The following MYO3B variants were observed in gnomAD, a reference collection of about 807,000 sequenced individuals.
MYO3B encodes myosin-IIIb.
In MYO3B, 156 loss-of-function variants were observed where a neutral mutation model predicts 174.6. The observed-to-expected ratio is 0.89, with a 90% CI of 0.78 to 1.02. The LOEUF (loss-of-function observed/expected upper bound fraction) is 1.02. MYO3B is among the 50% of genes least tolerant of loss of function. The pLI, the probability that MYO3B is intolerant of heterozygous loss-of-function variation, is 0.00. For missense variants in MYO3B, 1,632 were observed against 1,639.4 expected (o/e 1.00, Z 0.08); for synonymous variants, 563 against 569.1 (o/e 0.99, Z 0.15).
At chr2:170,460,264 C>T (rs535949342) in intron 23 of MYO3B, among the ~76,000 whole-genome samples, 9 of 151,884 alleles carry the variant, frequency 5.9e-5, no homozygotes, top group Non-Finnish European at 8.8e-5. Context: ...CCGAGGCGGG[C>T]GGATCTCAAG....
intron 22 of MYO3B, among the ~76,000 whole-genome samples, chr2:170,429,953 G>A (rs1321641272): frequency 6.7e-6 from 1 of 150,240 alleles, no homozygotes; most frequent in Non-Finnish European, 1.5e-5. Context: ...ACAAAGAACT[G>A]TATAGTTGGC....
intron 16 of MYO3B, 67 bp from the exon 17 acceptor site, chr2:170,400,121 C>G (rs1402714593): frequency 2.0e-5 from 32 of 1,595,062 alleles, no homozygotes; most frequent in Non-Finnish European, 2.2e-5. Context: ...GTTTCCACTA[C>G]AGGTCTAATG....
chr2:170,578,821 C>T (rs1228146993), intron 32 of MYO3B, among the ~76,000 whole-genome samples: 2 of 152,348 alleles, frequency 1.3e-5, no homozygotes, highest in South Asian at 2.1e-4. Flanking sequence ...TGTGGCATTA[C>T]GCAGAGGGCC....
In MYO3B at chr2:170,552,805, G is replaced by A. The variant is rs1691009966; in HGVS notation, c.3733+8817G>A. Among the ~76,000 whole-genome samples the A allele has an allele frequency of 2.0e-5, 3 of 152,164 alleles. No individual in the cohort carries two copies. In the South Asian group the frequency reaches 6.2e-4, roughly 31 times the overall value. ...TGGCAGCCCCTCCCATCAAAGGCCT[G>A]CAGGCTTAGAGGGAAAAATGGTTTC... On this transcript the variant is annotated intron_variant, in intron 32 of 34. Transcript: ENST00000408978.
intron 22 of MYO3B, among the ~76,000 whole-genome samples, chr2:170,428,507 A>G (rs2105877516): frequency 6.6e-6 from 1 of 152,320 alleles, no homozygotes; most frequent in South Asian, 2.1e-4. Context: ...TAGTTATTGC[A>G]CTTACGTGTT....
At chr2:170,483,988 A>G (rs1304672382) in intron 25 of MYO3B, among the ~76,000 whole-genome samples, 1 of 152,202 alleles carries the variant, frequency 6.6e-6, no homozygotes, top group Non-Finnish European at 1.5e-5. Flanking sequence ...TGCTCTAGTT[A>G]CTTACAGTAA....
At chr2:170,421,496 G>A (rs2094614554) in intron 22 of MYO3B, among the ~76,000 whole-genome samples, 1 of 152,180 alleles carries the variant, frequency 6.6e-6, no homozygotes, top group Admixed American at 6.5e-5. Context: ...CTTCCCTCTT[G>A]GAACGTGGCT....
Position 170,400,180 on chromosome 2 carries a change from C to T in MYO3B, c.1792-8C>T. On this transcript the variant is annotated splice_polypyrimidine_tract_variant and splice_region_variant and intron_variant, in intron 16 of 34. Coordinates refer to ENST00000408978, the MANE Select transcript of MYO3B (RefSeq NM_138995.5). ...ACCTTCATATATGGTTCTTGATGTC[C>T]TTTTCAGGAGGTGCACTCAGTGTAC... The T allele has an allele frequency of 1.9e-6, 3 of 1,613,896 alleles. No individual in the cohort carries two copies. Among genetic ancestry groups the T allele is most frequent in the Non-Finnish European group, 2.5e-6 (3 of 1,179,936 alleles).
chr2:170,510,669 T>C (rs1045947779), intron 28 of MYO3B, among the ~76,000 whole-genome samples: 2 of 151,988 alleles, frequency 1.3e-5, no homozygotes, highest in African/African-American at 2.4e-5. Context: ...AAACATGCCA[T>C]GTGAAGGCAC....
At chr2:170,589,581 GA>G (rs535719320) in intron 32 of MYO3B, among the ~76,000 whole-genome samples, 378 of 152,150 alleles carry the variant, frequency 2.5e-3, no homozygotes, top group African/African-American at 7.7e-3. Flanking sequence ...ATTTTAAATA[GA>G]AAAAAGCTTA....
chr2:170,515,565 C>T lies in MYO3B; in HGVS notation c.3472+543C>T, dbSNP rs148674937. Among the ~76,000 whole-genome samples, 264 of 152,196 alleles carry T rather than the reference C, an allele frequency of 1.7e-3. 2 individuals carry two copies. Among genetic ancestry groups the T allele is most frequent in the African/African-American group, 6.0e-3 (250 of 41,534 alleles). On this transcript the variant is annotated intron_variant, in intron 29 of 34. Transcript: ENST00000408978. ...AAGCTCCAGTCACGGTAACATGAGA[C>T]AATTGGACTAAATCATGGTTTTCAA...
Position 170,383,166 on chromosome 2 carries a change from A to G in MYO3B, c.1162A>G (p.Asn388Asp). The stretch of plus-strand genomic sequence containing the variant: ...CTTAATTGCCTTAAACCCCTTCCAG[A>G]ATCTAAGCATATACTCTCCACAGGT... Reference protein sequence around the residue: ...DILIALNPFQNLSIYSPQFSR... With the variant: ...DILIALNPFQDLSIYSPQFSR... Residue 388 changes from asparagine to aspartate, a missense_variant, in exon 11 of 35, where the codon AAT becomes GAT. By Grantham distance (23) the Asn-to-Asp change is conservative. Transcript: ENST00000408978. 6.2e-7 allele frequency: 1 copy of G among 1,608,266 alleles called. No individual in the cohort carries two copies. Among genetic ancestry groups the G allele is most frequent in the Non-Finnish European group, 8.5e-7 (1 of 1,174,844 alleles).
intron 8 of MYO3B, among the ~76,000 whole-genome samples, chr2:170,341,629 AG>A (rs1411769567): frequency 1.3e-5 from 2 of 152,346 alleles, no homozygotes; most frequent in East Asian, 3.9e-4. Context: ...AAACTCATGG[AG>A]AAGCTCAAAA....
intron 23 of MYO3B, among the ~76,000 whole-genome samples, chr2:170,446,137 G>A (rs550537557): frequency 1.4e-4 from 21 of 152,312 alleles, no homozygotes; most frequent in Admixed American, 9.8e-4. Context: ...GAGCATTTCT[G>A]TGAATGACCA....
chr2:170,349,008 A>C (rs2094039553), intron 8 of MYO3B, among the ~76,000 whole-genome samples: 1 of 152,222 alleles, frequency 6.6e-6, no homozygotes, highest in African/African-American at 2.4e-5. Context: ...CAAAACAGTC[A>C]GTGTGATCTT....
intron 7 of MYO3B, among the ~76,000 whole-genome samples, chr2:170,269,974 G>T (rs1392021648): frequency 1.3e-5 from 2 of 152,176 alleles, no homozygotes; most frequent in Non-Finnish European, 2.9e-5. Flanking sequence ...CTGGTCTGGG[G>T]TCCACATGTT....
intron 7 of MYO3B, among the ~76,000 whole-genome samples, chr2:170,309,880 C>T (rs1474106): frequency 0.68 from 103,365 of 152,030 alleles, 38,750 homozygotes; most frequent in East Asian, 0.92. Context: ...TTCATCACCC[C>T]AAAAGGAAAC....
chr2:170,238,919 G>A (rs1227605415), intron 7 of MYO3B, among the ~76,000 whole-genome samples: 2 of 152,074 alleles, frequency 1.3e-5, no homozygotes, highest in South Asian at 2.1e-4. Flanking sequence ...TCACACACAG[G>A]GTCATCGTGA....
At chr2:170,372,118 C>CAAAAAAAAAAAAAA (rs769243145) in intron 9 of MYO3B, among the ~76,000 whole-genome samples, 13 of 22,208 alleles carry the variant, frequency 5.9e-4, no homozygotes, top group African/African-American at 1.2e-3. Context: ...GACCCTGTCT[C>CAAAAAAAAAAAAAA]AAAAAAAAAA....
Sources: gnomAD v4.1 joint callset for allele counts (sites outside exome capture counted in the v4.1 genomes callset) on GRCh38, gnomAD v4.1.1 for gene constraint, MANE v1.5 for transcripts, NCBI Gene and HGNC (gene_info 2026-07-23, HGNC 2026-07-21) for gene names.